The following GDAP2 variants were observed in gnomAD, a reference collection of about 807,000 sequenced individuals.
GDAP2 encodes the protein ganglioside-induced differentiation-associated protein 2.
Under a neutral mutation model 67.0 loss-of-function variants are expected in GDAP2, and 51 were observed. The observed-to-expected ratio is 0.76, with a 90% CI of 0.61 to 0.96. The LOEUF is 0.96. GDAP2 is among the 40% of genes least tolerant of loss of function. The pLI is 0.00. For missense variants in GDAP2, 547 were observed against 588.3 expected (o/e 0.93, Z 0.73); for synonymous variants, 203 against 207.3 (o/e 0.98, Z 0.18).
At chr1:117,881,970 A>G in intron 11 of GDAP2, 93 bp from the exon 12 acceptor site, 1 of 700,400 alleles carries the variant, frequency 1.4e-6, no homozygotes, top group Non-Finnish European at 2.6e-6. Flanking sequence ...GCCTGAGTAT[A>G]TAAATATATT....
chr1:117,883,547 G>A lies in GDAP2; in HGVS notation c.1188C>T (p.Ser396=), dbSNP rs772484565. 1.7e-5 allele frequency: 27 copies of A among 1,608,458 alleles called. No homozygotes were observed. The highest frequency in any genetic ancestry group is 2.2e-5 in the East Asian group (1 of 44,776). Residue 396 remains serine (S), a synonymous_variant, in exon 11 of 14, where the codon AGC becomes AGT. Transcript: ENST00000369443. The part of the protein sequence containing the change: ...YVLVYFHTLT[S]EYNHLDSDFL... ...AGTCGGAGTCCAGGTGATTGTATTC[G>A]CTGGTCAGGGTGTGAAAATACACTA...
intron 6 of GDAP2, among the ~76,000 whole-genome samples, chr1:117,905,825 T>A (rs1649634352): frequency 1.3e-5 from 2 of 152,170 alleles, no homozygotes. Flanking sequence ...TAGCTATATA[T>A]GCCTTGAATA....
chr1:117,912,735 C>A, intron 3 of GDAP2, 52 bp from the exon 4 acceptor site: 3 of 1,477,144 alleles, frequency 2.0e-6, no homozygotes, highest in African/African-American at 1.4e-5. Flanking sequence ...AAAACAGAAA[C>A]AAAAACAAAT....
At chr1:117,896,255 CT>C (rs1238807967) in intron 8 of GDAP2, among the ~76,000 whole-genome samples, 1 of 152,072 alleles carries the variant, frequency 6.6e-6, no homozygotes, top group African/African-American at 2.4e-5. Flanking sequence ...TTTCTTTAGA[CT>C]TTTTTGAAAA....
chr1:117,890,059 A>T (rs1175483428), intron 8 of GDAP2, among the ~76,000 whole-genome samples: 1 of 152,164 alleles, frequency 6.6e-6, no homozygotes, highest in Non-Finnish European at 1.5e-5. Flanking sequence ...TTAAGGTTGC[A>T]TATGTGAGAC....
chr1:117,880,304 G>A (rs1300733011), intron 12 of GDAP2, among the ~76,000 whole-genome samples: 1 of 152,178 alleles, frequency 6.6e-6, no homozygotes, highest in Non-Finnish European at 1.5e-5. Context: ...ACTGTGTCAA[G>A]GAGAAGTGAT....
chr1:117,883,438 T>C (rs774676881), intron 11 of GDAP2, 50 bp downstream of exon 11: 12 of 1,399,298 alleles, frequency 8.6e-6, no homozygotes, highest in South Asian at 1.2e-5. Flanking sequence ...TGCTTAATAT[T>C]AGAAAAGAAA....
At chr1:117,877,564 A>T in intron 13 of GDAP2, 1 of 976,066 alleles carries the variant, frequency 1.0e-6, no homozygotes, top group Non-Finnish European at 1.2e-6. Flanking sequence ...AAAACATTAT[A>T]CAACCTTTTA....
At chr1:117,888,678 T>C (rs1203092361) in intron 8 of GDAP2, among the ~76,000 whole-genome samples, 1 of 152,106 alleles carries the variant, frequency 6.6e-6, no homozygotes, top group Non-Finnish European at 1.5e-5. Flanking sequence ...CTCTGAAGTG[T>C]CTAAATCATA....
At chr1:117,886,800 T>G (rs901866943) in intron 9 of GDAP2, 147 bp from the exon 10 acceptor site, 5 of 556,008 alleles carry the variant, frequency 9.0e-6, no homozygotes, top group African/African-American at 6.4e-5. Flanking sequence ...TCTTCCAATT[T>G]TTTTTCTACT....
chr1:117,918,105 G>C (rs1650112287), intron 3 of GDAP2, among the ~76,000 whole-genome samples: 1 of 152,138 alleles, frequency 6.6e-6, no homozygotes, highest in African/African-American at 2.4e-5. Flanking sequence ...ATTTCATATA[G>C]GTTAACTTTG....
chr1:117,870,030 G>C lies in GDAP2; in HGVS notation c.*539C>G, dbSNP rs149176485. The C allele has an allele frequency of 6.6e-6, 1 of 152,582 alleles. No homozygotes were observed. Among genetic ancestry groups the C allele is most frequent in the African/African-American group, 2.4e-5 (1 of 41,418 alleles). 9.5% of individuals were successfully genotyped at this position (152,582 alleles called of 1,614,324 possible). A position where few individuals can be genotyped will look rare whatever the true frequency, so the allele number is the denominator to read the frequency against. ...AGTCCTATGTTTTGCTAATGATTTT[G>C]ATGTTTTTTGTCAGATACATTTCCA... On this transcript the variant is annotated 3_prime_UTR_variant, in exon 14 of 14. Coordinates refer to ENST00000369443, the MANE Select transcript of GDAP2 (RefSeq NM_017686.4).
chr1:117,864,269 C>T lies in GDAP2; in HGVS notation c.*6300G>A, dbSNP rs1647989798. 1 of 152,170 alleles carries T rather than the reference C, an allele frequency of 6.6e-6. No homozygotes were observed. Among genetic ancestry groups the T allele is most frequent in the African/African-American group, 2.4e-5 (1 of 41,430 alleles). The allele number at this position is 152,170 out of a possible 1,614,324, so 9.4% of individuals were successfully genotyped here. ...CTTAGGTTTGTATTTGTATTGACTT[C>T]CCTGTTAAGGCCCAGTTCTACATTA... On this transcript the variant is annotated 3_prime_UTR_variant, in exon 14 of 14. Transcript: ENST00000369443.
intron 8 of GDAP2, among the ~76,000 whole-genome samples, chr1:117,890,350 A>G (rs1306469102): frequency 6.6e-6 from 1 of 152,254 alleles, no homozygotes; most frequent in South Asian, 2.1e-4. Flanking sequence ...CAGATAGACA[A>G]TATGTCATAT....
At chr1:117,883,710 A>C in intron 10 of GDAP2, 83 bp from the exon 11 acceptor site, 4 of 959,538 alleles carry the variant, frequency 4.2e-6, no homozygotes, top group African/African-American at 1.7e-5. Flanking sequence ...ACAAAACAAA[A>C]CAAAATAGAA....
chr1:117,909,585 C>T, intron 5 of GDAP2, among the ~76,000 whole-genome samples: 1 of 152,148 alleles, frequency 6.6e-6, no homozygotes. Flanking sequence ...ATAAAGTATT[C>T]AAGCAAAAGG....
At chr1:117,889,314 A>T (rs966244321) in intron 8 of GDAP2, among the ~76,000 whole-genome samples, 3 of 150,740 alleles carry the variant, frequency 2.0e-5, no homozygotes, top group Non-Finnish European at 4.4e-5. Context: ...CATATTTATC[A>T]TTTTTTTTTG....
chr1:117,927,311 G>T (rs1650485594), intron 1 of GDAP2, among the ~76,000 whole-genome samples: 1 of 151,914 alleles, frequency 6.6e-6, no homozygotes, highest in African/African-American at 2.4e-5. Context: ...AGAGAGATCA[G>T]ATTTTATTGT....
intron 1 of GDAP2, among the ~76,000 whole-genome samples, chr1:117,929,153 GC>G (rs1410631594): frequency 6.6e-6 from 1 of 152,152 alleles, no homozygotes; most frequent in Non-Finnish European, 1.5e-5. Flanking sequence ...GCTCCCGCCT[GC>G]CCCATTTCAC....
Sources: allele counts gnomAD v4.1 joint callset (sites outside exome capture counted in the v4.1 genomes callset), GRCh38; gene constraint gnomAD v4.1.1; transcripts MANE v1.5; gene names NCBI Gene and HGNC (gene_info 2026-07-23, HGNC 2026-07-21).